Variants in CLN8 observed in about 807,000 individuals in gnomAD.
The protein encoded by CLN8 is CLN8 transmembrane ER and ERGIC protein.
In CLN8, 14 loss-of-function variants were observed where a neutral mutation model predicts 15.7. That is an observed-to-expected ratio of 0.89 (90% confidence interval 0.59 to 1.39). The LOEUF is 1.39. Ranked by LOEUF, CLN8 falls within the 40% of genes most tolerant of loss-of-function variation. CLN8 has a pLI of 0.00. For missense variants in CLN8, 415 were observed against 364.0 expected (o/e 1.14, Z -1.14); for synonymous variants, 188 against 151.0 (o/e 1.25, Z -1.80).
upstream of CLN8, among the ~76,000 whole-genome samples, chr8:1,754,879 G>A (rs1800631534): frequency 6.6e-6 from 1 of 152,188 alleles, no homozygotes. Flanking sequence ...GGCCATCTCT[G>A]CCTGCCCAGA....
chr8:1,781,589 A>T lies in CLN8; in HGVS notation c.*1022A>T, dbSNP rs1244744731. The T allele has an allele frequency of 6.6e-6, 1 of 151,592 alleles. No homozygotes were observed. Among genetic ancestry groups the T allele is most frequent in the Non-Finnish European group, 1.5e-5 (1 of 67,940 alleles). The allele number at this position is 151,592 out of a possible 1,614,324, so 9.4% of individuals were successfully genotyped here. ...GTTTTAAAATGAGAAGTTATTATTCATACTGTGTTGCTCATTTGACAAAAT... is the reference window on the plus strand; with the variant it reads ...GTTTTAAAATGAGAAGTTATTATTCTTACTGTGTTGCTCATTTGACAAAAT... On this transcript the variant is annotated 3_prime_UTR_variant, in exon 3 of 3. Coordinates refer to ENST00000331222, the MANE Select transcript of CLN8 (RefSeq NM_018941.4).
At chr8:1,761,267 G>A (rs978108151), upstream of CLN8, among the ~76,000 whole-genome samples, 1 of 151,644 alleles carries the variant, frequency 6.6e-6, no homozygotes, top group African/African-American at 2.4e-5. Flanking sequence ...CTGGCTGTGC[G>A]GGAGACCAGA....
intron 1 of CLN8, among the ~76,000 whole-genome samples, chr8:1,770,365 C>A (rs1453955035): frequency 6.6e-6 from 1 of 152,096 alleles, no homozygotes; most frequent in African/African-American, 2.4e-5. Flanking sequence ...GAGAGTGGAA[C>A]CAGAGAAGGT....
intron 2 of CLN8, among the ~76,000 whole-genome samples, chr8:1,778,412 C>G (rs113960285): frequency 0.013 from 1,951 of 152,358 alleles, 47 homozygotes; most frequent in African/African-American, 0.045. Context: ...ATAGGTTCTT[C>G]TGGTCTGTGG....
Position 1,771,038 on chromosome 8 carries a change from G to A in CLN8, c.-17G>A. The A allele has an allele frequency of 6.2e-7, 1 of 1,613,792 alleles. No homozygotes were observed. On this transcript the variant is annotated 5_prime_UTR_variant, in exon 2 of 3. Transcript: ENST00000331222. ...CCGTGTTGGCCCCAGGACTCCTTTG[G>A]AATATAGCTGTGGACAATGAATCCT... is the stretch of plus-strand genomic sequence containing the variant.
intron 2 of CLN8, among the ~76,000 whole-genome samples, chr8:1,776,553 A>G (rs1585146170): frequency 1.3e-5 from 2 of 152,258 alleles, no homozygotes; most frequent in East Asian, 1.9e-4. Context: ...AGGTTCTGGA[A>G]TCTGGACTCT....
chr8:1,756,009 G>A (rs373876286), exon 1 of CLN8: 4 of 152,172 alleles, frequency 2.6e-5, no homozygotes, highest in African/African-American at 9.7e-5. Context: ...CTGATCCCAA[G>A]TTTCACATCC....
chr8:1,777,964 C>T (rs1042551417), intron 2 of CLN8, among the ~76,000 whole-genome samples: 3 of 152,236 alleles, frequency 2.0e-5, no homozygotes, highest in Admixed American at 6.5e-5. Flanking sequence ...ATACACTGTG[C>T]GTTGTTGACT....
upstream of CLN8, among the ~76,000 whole-genome samples, chr8:1,761,129 C>G (rs1400582137): frequency 1.3e-5 from 2 of 148,616 alleles, no homozygotes; most frequent in Non-Finnish European, 3.0e-5. Context: ...AGGCAATTCT[C>G]CTGCCTCAGC....
chr8:1,778,150 A>G (rs1054531803), intron 2 of CLN8, among the ~76,000 whole-genome samples: 2 of 152,212 alleles, frequency 1.3e-5, no homozygotes, highest in Non-Finnish European at 2.9e-5. Flanking sequence ...GGTTGTGGCC[A>G]GTTGTCAGAG....
At chr8:1,767,892 C>T (rs1801132328) in intron 1 of CLN8, among the ~76,000 whole-genome samples, 4 of 151,618 alleles carry the variant, frequency 2.6e-5, no homozygotes, top group Admixed American at 2.0e-4. Context: ...TTTCTTTTTC[C>T]TGTAGTCAGA....
At position 1,756,775 on chromosome 8, in the gene CLN8, C is replaced by T. The variant is rs573839064; in HGVS notation, c.-124+693C>T. 4.0e-5 allele frequency among the ~76,000 whole-genome samples: 6 copies of T among 151,024 alleles called. No individual in the cohort carries two copies. In the East Asian group the frequency reaches 7.9e-4, roughly 20 times the overall value. ...TCTGCTCACTGCAACCTCTGCCTCC[C>T]GGGTTCAAGCAATTCTCCTGCCTCA... On this transcript the variant is annotated intron_variant, in intron 1 of 1. Transcript: ENST00000524258.
At position 1,782,983 on chromosome 8, in the gene CLN8, A is replaced by G. The variant is rs1337910315; in HGVS notation, c.*2416A>G. ...CCGCTCCGTCCAGTGTCACCCACACATTGGTCCGGGGACCCCTCAGTGCAG... is the reference window on the plus strand; with the variant it reads ...CCGCTCCGTCCAGTGTCACCCACACGTTGGTCCGGGGACCCCTCAGTGCAG... On this transcript the variant is annotated 3_prime_UTR_variant, in exon 3 of 3. Coordinates refer to ENST00000331222, the MANE Select transcript of CLN8 (RefSeq NM_018941.4). The G allele has an allele frequency of 6.6e-6, 1 of 152,276 alleles. No individual in the cohort carries two copies. The highest frequency in any genetic ancestry group is 2.4e-5 in the African/African-American group (1 of 41,468). 9.4% of individuals were successfully genotyped at this position (152,276 alleles called of 1,614,324 possible). A position where few individuals can be genotyped will look rare whatever the true frequency, so the allele number is the denominator to read the frequency against.
intron 1 of CLN8, chr8:1,765,139 A>C (rs1384883572): frequency 6.6e-6 from 1 of 152,158 alleles, no homozygotes; most frequent in East Asian, 1.9e-4. Context: ...CAAAGAGCAC[A>C]GGTTCTCTAG....
chr8:1,764,476 A>G (rs1008558896), intron 1 of CLN8: 3 of 152,294 alleles, frequency 2.0e-5, no homozygotes, highest in Non-Finnish European at 2.9e-5. Context: ...GCAGAGCCAC[A>G]GAGGTGCCGT....
chr8:1,780,671 G>C lies in CLN8; in HGVS notation c.*104G>C. The C allele has an allele frequency of 9.4e-7, 1 of 1,058,472 alleles. No individual in the cohort carries two copies. Among genetic ancestry groups the C allele is most frequent in the South Asian group, 1.4e-5 (1 of 71,180 alleles). 65.6% of individuals were successfully genotyped at this position (1,058,472 alleles called of 1,614,324 possible). A position where few individuals can be genotyped will look rare whatever the true frequency, so the allele number is the denominator to read the frequency against. Reference sequence around the variant, plus strand: ...ATTAATGAGGCAGTGAATGTTTTGTGTTTACTTCTAAGGGAAATACTAACT... The same window carrying C: ...ATTAATGAGGCAGTGAATGTTTTGTCTTTACTTCTAAGGGAAATACTAACT... On this transcript the variant is annotated 3_prime_UTR_variant, in exon 3 of 3. Transcript: ENST00000331222.
intron 1 of CLN8, among the ~76,000 whole-genome samples, chr8:1,768,885 TA>T (rs367969254): frequency 1.8e-3 from 281 of 152,330 alleles, no homozygotes; most frequent in Non-Finnish European, 3.7e-3. Flanking sequence ...TGGAGATGTG[TA>T]AGTACACTGG....
At chr8:1,773,526 G>A (rs1187364177) in intron 2 of CLN8, 1 of 152,406 alleles carries the variant, frequency 6.6e-6, no homozygotes, top group South Asian at 2.1e-4. Context: ...TGAATATGAA[G>A]CTGCTGGTCT....
chr8:1,770,584 C>T (rs937429499), intron 1 of CLN8, among the ~76,000 whole-genome samples: 1 of 152,120 alleles, frequency 6.6e-6, no homozygotes, highest in Non-Finnish European at 1.5e-5. Flanking sequence ...AGTGTAATGA[C>T]TTAAATATGT....
Sources: gnomAD v4.1 joint callset for allele counts (sites outside exome capture counted in the v4.1 genomes callset) on GRCh38, gnomAD v4.1.1 for gene constraint, MANE v1.5 for transcripts, NCBI Gene and HGNC (gene_info 2026-07-23, HGNC 2026-07-21) for gene names.